Variants in NREP observed in about 807,000 individuals in gnomAD.
NREP encodes the protein neuronal regeneration related protein.
Under a neutral mutation model 8.6 loss-of-function variants are expected in NREP, and 5 were observed. The ratio of observed to expected loss-of-function variants is 0.58; its 90% CI spans 0.30 to 1.22. The LOEUF (loss-of-function observed/expected upper bound fraction) is 1.22, where lower values mean the gene tolerates loss of function less well. NREP is among the 50% of genes most tolerant of loss of function. NREP has a pLI of 0.07. For missense variants in NREP, 86 were observed against 82.5 expected, an observed-to-expected ratio of 1.04 and a Z score of -0.17; for synonymous variants, 27 against 28.0, an observed-to-expected ratio of 0.96 and a Z score of 0.11.
At chr5:111,752,148 G>A (rs1289626558) in intron 2 of NREP, among the ~76,000 whole-genome samples, 3 of 152,174 alleles carry the variant, frequency 2.0e-5, no homozygotes, top group Non-Finnish European at 4.4e-5. Context: ...TTTCTTCAAT[G>A]TATTTATGAT....
chr5:111,890,906 C>T (rs1443844574), intron 2 of NREP, among the ~76,000 whole-genome samples: 1 of 152,220 alleles, frequency 6.6e-6, no homozygotes. Context: ...TTCCCATTAT[C>T]TTGGCTATCA....
intron 2 of NREP, among the ~76,000 whole-genome samples, chr5:111,849,884 A>G: frequency 6.6e-6 from 1 of 152,144 alleles, no homozygotes; most frequent in East Asian, 1.9e-4. Context: ...AAATGTATGC[A>G]AGAAGTGAAG....
intron 2 of NREP, among the ~76,000 whole-genome samples, chr5:111,740,058 T>A (rs533721620): frequency 6.6e-6 from 1 of 152,128 alleles, no homozygotes; most frequent in East Asian, 1.9e-4. Context: ...TTACTTTAAT[T>A]TGGAGAATAT....
intron 2 of NREP, among the ~76,000 whole-genome samples, chr5:111,959,569 T>G (rs983802057): frequency 6.6e-6 from 1 of 151,910 alleles, no homozygotes; most frequent in Non-Finnish European, 1.5e-5. Context: ...AGAATATATA[T>G]TTTTGTAAAA....
chr5:111,875,969 G>A (rs530383943), intron 2 of NREP, among the ~76,000 whole-genome samples: 43 of 152,294 alleles, frequency 2.8e-4, no homozygotes, highest in South Asian at 6.2e-4. Flanking sequence ...GTGGGGAGGC[G>A]GTGTCTGATC....
intron 2 of NREP, chr5:111,739,061 G>A (rs930460390): frequency 2.0e-5 from 3 of 152,174 alleles, no homozygotes; most frequent in African/African-American, 7.2e-5. Context: ...AAGCTGCCCA[G>A]TCTGTGGCAC....
intron 2 of NREP, among the ~76,000 whole-genome samples, chr5:111,973,368 G>A (rs1326949213): frequency 6.6e-6 from 1 of 152,098 alleles, no homozygotes; most frequent in Non-Finnish European, 1.5e-5. Context: ...GCAGGTATTA[G>A]CTTTTTTGAG....
chr5:111,764,269 A>AG, intron 2 of NREP, among the ~76,000 whole-genome samples: 1 of 152,266 alleles, frequency 6.6e-6, no homozygotes, highest in Non-Finnish European at 1.5e-5. Flanking sequence ...AGATGGAAGG[A>AG]GGGGGTTGGC....
chr5:111,936,887 T>A (rs900228827), intron 2 of NREP, among the ~76,000 whole-genome samples: 8 of 152,100 alleles, frequency 5.3e-5, no homozygotes, highest in African/African-American at 1.9e-4. Flanking sequence ...CACAAGGTGC[T>A]ATTTTCATGC....
chr5:111,943,375 C>T (rs1390835483), intron 2 of NREP, among the ~76,000 whole-genome samples: 1 of 152,028 alleles, frequency 6.6e-6, no homozygotes, highest in Non-Finnish European at 1.5e-5. Context: ...GCTTCCTTGG[C>T]ATTCCTTCCC....
chr5:111,868,081 G>A (rs1753708292), intron 2 of NREP, among the ~76,000 whole-genome samples: 1 of 151,962 alleles, frequency 6.6e-6, no homozygotes, highest in Non-Finnish European at 1.5e-5. Context: ...AGAAAAAAAA[G>A]ATGGCATTTT....
Position 111,731,036 on chromosome 5 carries a change from G to T in NREP, c.92C>A (p.Pro31His). 6.2e-7 allele frequency: 1 copy of T among 1,613,836 alleles called. No homozygotes were observed. Among genetic ancestry groups the T allele is most frequent in the South Asian group, 1.1e-5 (1 of 91,072 alleles). Residue 31 changes from proline (P) to histidine (H), a missense_variant, in exon 4 of 4, where the codon CCT (proline) becomes CAT (histidine). Transcript: ENST00000257435. ...MEGRLPKGRL[P>H]VPKEVNRKKN... ...CTTGCGGTTCACTTCCTTTGGGACA[G>T]GAAGTCTTCCCTGCAAAGCAGGCAG...
chr5:111,797,065 A>ATAGG (rs986618503), intron 2 of NREP, among the ~76,000 whole-genome samples: 1 of 98,856 alleles, frequency 1.0e-5, no homozygotes, highest in Admixed American at 9.4e-5. Context: ...GTCTACTAAG[A>ATAGG]TAGATAGATA....
At chr5:111,729,004 G>A (rs750080016), downstream of NREP, 5 of 152,026 alleles carry the variant, frequency 3.3e-5, no homozygotes, top group Non-Finnish European at 5.9e-5. Flanking sequence ...GTTTTGAAGC[G>A]TATGGGAATG....
rs576088744 is a variant in NREP at position 111,888,490 on chromosome 5, A to C, written c.135+86784T>G. On this transcript the variant is annotated intron_variant, in intron 2 of 3. Transcript: ENST00000395634. ...CAGATCTCATGAGAACTCACTCACTATCATGAGAACATCATGGGGGAAACT... is the reference window on the plus strand; with the variant it reads ...CAGATCTCATGAGAACTCACTCACTCTCATGAGAACATCATGGGGGAAACT... 3.3e-5 allele frequency among the ~76,000 whole-genome samples: 5 copies of C among 152,270 alleles called. No homozygotes were observed. In the East Asian group the frequency reaches 9.7e-4, roughly 30 times the overall value.
chr5:111,974,819 A>G (rs1267583550), intron 2 of NREP, among the ~76,000 whole-genome samples: 1 of 152,258 alleles, frequency 6.6e-6, no homozygotes, highest in Non-Finnish European at 1.5e-5. Flanking sequence ...CATCATATTT[A>G]TCAAAACTGA....
chr5:111,960,444 C>A (rs542323816), intron 2 of NREP, among the ~76,000 whole-genome samples: 1 of 151,990 alleles, frequency 6.6e-6, no homozygotes, highest in African/African-American at 2.4e-5. Flanking sequence ...AGAGGACTTG[C>A]AAAAATATGT....
chr5:111,878,967 CT>C (rs1753979434), intron 2 of NREP, among the ~76,000 whole-genome samples: 1 of 152,328 alleles, frequency 6.6e-6, no homozygotes, highest in South Asian at 2.1e-4. Context: ...GTTTTGTCCC[CT>C]CCAAGTCTCA....
At chr5:111,829,902 T>C (rs1246478196) in intron 2 of NREP, among the ~76,000 whole-genome samples, 1 of 152,208 alleles carries the variant, frequency 6.6e-6, no homozygotes, top group Non-Finnish European at 1.5e-5. Flanking sequence ...TATTGACTAC[T>C]ATACCAGCTC....
Sources: gnomAD v4.1 joint callset for allele counts (sites outside exome capture counted in the v4.1 genomes callset) on GRCh38, gnomAD v4.1.1 for gene constraint, MANE v1.5 for transcripts, NCBI Gene and HGNC (gene_info 2026-07-23, HGNC 2026-07-21) for gene names.